The following P2RY12 variants were observed in gnomAD, a reference collection of about 807,000 sequenced individuals.
P2RY12 encodes the protein P2Y purinoceptor 12.
In P2RY12, 3 loss-of-function variants were observed where a neutral mutation model predicts 4.5. That is an observed-to-expected ratio of 0.67 (90% CI 0.31 to 1.74). The LOEUF is 1.74. Among genes scored for constraint, P2RY12 ranks in the 40% most tolerant of loss-of-function variants. The probability of loss-of-function intolerance (pLI) is 0.09; values close to 1 mark genes in which losing one functional copy is unlikely to be tolerated. For synonymous variants in P2RY12, 148 were observed against 154.1 expected (o/e 0.96, Z 0.29); for missense variants, 356 against 407.8 (o/e 0.87, Z 1.09).
chr3:151,368,664 CATTTCATTTCATGTCATTTCATTTT>C (rs1560087252), intron 1 of P2RY12, among the ~76,000 whole-genome samples: 1,431 of 62,766 alleles, frequency 0.023, 51 homozygotes, highest in African/African-American at 0.076. Flanking sequence ...CATTTCATTT[CATTTCATTTCATGTCATTTCATTTT>C]ATTTCATTTC....
rs758832557 is a variant in P2RY12, at chr3:151,384,256, G to A, written c.-180+436C>T. 24 of 1,553,700 alleles carry A rather than the reference G, an allele frequency of 1.5e-5. No homozygotes were observed. In the South Asian group the frequency reaches 2.9e-4, roughly 19 times the overall value. Reference sequence around the variant, plus strand: ...TCAGCCTGTATTATGAGCTCAAGTTGTTTATGGATTTATTATCTAGTGCAT... The same window carrying A: ...TCAGCCTGTATTATGAGCTCAAGTTATTTATGGATTTATTATCTAGTGCAT... On this transcript the variant is annotated intron_variant, in intron 1 of 2. Coordinates refer to ENST00000302632, the MANE Select transcript of P2RY12 (RefSeq NM_022788.5).
chr3:151,350,445 T>G (rs1221528644), intron 1 of P2RY12, among the ~76,000 whole-genome samples: 1 of 152,068 alleles, frequency 6.6e-6, no homozygotes, highest in African/African-American at 2.4e-5. Flanking sequence ...ATTAAAATAT[T>G]GTATTCCATA....
At chr3:151,367,095 T>A (rs1018785310) in intron 1 of P2RY12, among the ~76,000 whole-genome samples, 5 of 126,740 alleles carry the variant, frequency 3.9e-5, no homozygotes, top group African/African-American at 1.6e-4. Flanking sequence ...TCACTGTGAC[T>A]GAATTAATTT....
chr3:151,377,282 A>G (rs1577496314), intron 1 of P2RY12: 1 of 860,266 alleles, frequency 1.2e-6, no homozygotes, highest in Non-Finnish European at 1.8e-6. Context: ...GAATGTGAAG[A>G]ACATAGTTAC....
In P2RY12 at chr3:151,338,070, T is replaced by C. The variant is rs1465590813; in HGVS notation, c.776A>G (p.Tyr259Cys). The C allele has an allele frequency of 1.9e-6, 3 of 1,613,884 alleles. No individual in the cohort carries two copies. Among genetic ancestry groups the C allele is most frequent in the Non-Finnish European group, 2.5e-6 (3 of 1,179,928 alleles). Residue 259 changes from tyrosine to cysteine, a missense_variant, in exon 3 of 3, where the codon TAC becomes TGC. Physicochemically the swap from Tyr to Cys is radical, Grantham distance 194. Coordinates refer to ENST00000302632, the MANE Select transcript of P2RY12 (RefSeq NM_022788.5). ...GACATCCCGGGTTTGGCTCAGGGTG[T>C]AAGGAATTCGGGCAAAATGGAAAGG... ...FVPFHFARIPYTLSQTRDVFD... is the reference protein window; with the variant it reads ...FVPFHFARIPCTLSQTRDVFD...
chr3:151,338,821 A>G lies in P2RY12; in HGVS notation c.25T>C (p.Ser9Pro). Residue 9 changes from serine to proline, a missense_variant, in exon 3 of 3, where the codon TCT (serine) becomes CCT (proline). Ser to Pro is a moderately conservative substitution (Grantham distance 74). Transcript: ENST00000302632. MQAVDNLTSAPGNTSLCTR... is the reference protein window; with the variant it reads MQAVDNLTPAPGNTSLCTR... Reference sequence around the variant, plus strand: ...CACAGACTGGTGTTACCAGGCGCAGAGGTGAGGTTGTCGACGGCTTGCATT... The same window carrying G: ...CACAGACTGGTGTTACCAGGCGCAGGGGTGAGGTTGTCGACGGCTTGCATT... The G allele has an allele frequency of 6.2e-7, 1 of 1,613,804 alleles. No homozygotes were observed. Among genetic ancestry groups the G allele is most frequent in the Non-Finnish European group, 8.5e-7 (1 of 1,179,864 alleles).
intron 1 of P2RY12, among the ~76,000 whole-genome samples, chr3:151,367,447 T>G (rs760987908): frequency 2.6e-5 from 4 of 152,254 alleles, no homozygotes; most frequent in Non-Finnish European, 5.9e-5. Context: ...CATTGGAATG[T>G]GGGTAAACCT....
chr3:151,365,964 G>A, intron 1 of P2RY12: 2 of 1,611,554 alleles, frequency 1.2e-6, no homozygotes, highest in Non-Finnish European at 1.7e-6. Context: ...ACGTGTGGGG[G>A]TTTAATGATG....
At chr3:151,374,649 C>CT (rs1167092042) in intron 1 of P2RY12, among the ~76,000 whole-genome samples, 1 of 152,212 alleles carries the variant, frequency 6.6e-6, no homozygotes, top group African/African-American at 2.4e-5. Flanking sequence ...TCCATTTTCT[C>CT]TAAGGGTTTA....
chr3:151,338,480 G>A lies in P2RY12; in HGVS notation c.366C>T (p.Arg122=). ...TAAATGGCCTGGTGGTCTTCTGGTA[G>A]CGATCGATAGTTATCAGTCCCAGGA... ...ISFLGLITID[R]YQKTTRPFKT... is the part of the protein sequence containing the mutation. Residue 122 remains arginine (R), a synonymous_variant, in exon 3 of 3, where the codon CGC becomes CGT. Transcript: ENST00000302632. 2.5e-6 allele frequency: 4 copies of A among 1,613,910 alleles called. No homozygotes were observed. Among genetic ancestry groups the A allele is most frequent in the Non-Finnish European group, 3.4e-6 (4 of 1,179,990 alleles).
intron 1 of P2RY12, among the ~76,000 whole-genome samples, chr3:151,346,096 T>C (rs1752503431): frequency 6.6e-6 from 1 of 152,202 alleles, no homozygotes; most frequent in South Asian, 2.1e-4. Flanking sequence ...CCCAACTCCC[T>C]GAGCATATCA....
rs1187748831 is a variant in P2RY12, at chr3:151,377,971, A to G, written c.-180+6721T>C. 2.6e-6 allele frequency: 4 copies of G among 1,530,554 alleles called. No individual in the cohort carries two copies. In the African/African-American group the frequency reaches 4.1e-5, roughly 16 times the overall value. The allele number at this position is 1,530,554 out of a possible 1,614,324, so 94.8% of individuals were successfully genotyped here. The stretch of plus-strand genomic sequence containing the variant: ...CTGTTATAACTGTGAGAGCAGGGGA[A>G]AGGATGCTTTCTCCGGTGTAACACC... On this transcript the variant is annotated intron_variant, in intron 1 of 2. Coordinates refer to ENST00000302632, the MANE Select transcript of P2RY12 (RefSeq NM_022788.5).
At chr3:151,368,211 C>G (rs750648664) in intron 1 of P2RY12, 1 of 1,614,016 alleles carries the variant, frequency 6.2e-7, no homozygotes, top group African/African-American at 1.3e-5. Context: ...TGCTTCATCT[C>G]TTCCGAGCTC....
At chr3:151,364,281 C>G (rs1396675235) in intron 1 of P2RY12, among the ~76,000 whole-genome samples, 1 of 152,190 alleles carries the variant, frequency 6.6e-6, no homozygotes, top group Non-Finnish European at 1.5e-5. Context: ...ATATCTGATT[C>G]AGACGTAACT....
At chr3:151,375,596 CG>C (rs1756740891) in intron 1 of P2RY12, among the ~76,000 whole-genome samples, 1 of 151,874 alleles carries the variant, frequency 6.6e-6, no homozygotes, top group Non-Finnish European at 1.5e-5. Flanking sequence ...AAAGGAAGAT[CG>C]TTTTCTAAAT....
intron 1 of P2RY12, among the ~76,000 whole-genome samples, chr3:151,360,284 A>T (rs565489643): frequency 2.2e-4 from 33 of 152,074 alleles, no homozygotes; most frequent in South Asian, 2.1e-4. Flanking sequence ...AGTTTTTTTT[A>T]AAATCTATTT....
In P2RY12 at chr3:151,383,067, A is replaced by G. The variant is rs184290466; in HGVS notation, c.-180+1625T>C. 2.8e-4 allele frequency among the ~76,000 whole-genome samples: 42 copies of G among 151,956 alleles called. 1 individual carries two copies. Among genetic ancestry groups the G allele is most frequent in the Non-Finnish European group, 2.8e-4 (19 of 68,038 alleles). ...ACTGTTATAAGTGTTAGCTTCTACT[A>G]TACTTACTTAAAACCATTTAAAAAG... On this transcript the variant is annotated intron_variant, in intron 1 of 2. Coordinates refer to ENST00000302632, the MANE Select transcript of P2RY12 (RefSeq NM_022788.5).
In P2RY12 at chr3:151,337,858, C is replaced by CT. The variant is rs1751224967; in HGVS notation, c.987dup (p.Glu330ArgfsTer6). 1 of 1,614,110 alleles carries CT rather than the reference C, an allele frequency of 6.2e-7. No homozygotes were observed. Among genetic ancestry groups the CT allele is most frequent in the South Asian group, 1.1e-5 (1 of 91,084 alleles). On this transcript the variant is annotated frameshift_variant, in exon 3 of 3. Coordinates refer to ENST00000302632, the MANE Select transcript of P2RY12 (RefSeq NM_022788.5). LOFTEE classifies it high-confidence loss of function. ...TCATTTGGGTCACCACCATCCTGTT[C>CT]TTTTTTCCTATTGTCCTGGGACAGA...
chr3:151,363,058 A>G (rs960396309), intron 1 of P2RY12, among the ~76,000 whole-genome samples: 2 of 152,116 alleles, frequency 1.3e-5, no homozygotes, highest in African/African-American at 4.8e-5. Flanking sequence ...GTGTGGTGCA[A>G]ATAGGTTAAA....
Sources: allele counts gnomAD v4.1 joint callset (sites outside exome capture counted in the v4.1 genomes callset), GRCh38; gene constraint gnomAD v4.1.1; transcripts MANE v1.5; gene names NCBI Gene and HGNC (gene_info 2026-07-23, HGNC 2026-07-21).